NEGR1: variants seen among roughly 807,000 people sequenced by gnomAD.
NEGR1 encodes the protein IgLON family member 4.
NEGR1 carries 10 observed loss-of-function variants against 40.9 expected under a neutral mutation model. The ratio of observed to expected loss-of-function variants is 0.24; its 90% CI spans 0.15 to 0.42. NEGR1 has a LOEUF of 0.42. Ranked by LOEUF, NEGR1 falls within the 10% of genes least tolerant of loss-of-function variation. The pLI is 1.00. For missense variants in NEGR1, 352 were observed against 438.9 expected (o/e 0.80, Z 1.77); for synonymous variants, 185 against 166.8 (o/e 1.11, Z -0.84).
intron 1 of NEGR1, among the ~76,000 whole-genome samples, chr1:72,154,856 T>C (rs921708984): frequency 7.2e-5 from 11 of 151,962 alleles, no homozygotes; most frequent in African/African-American, 2.7e-4. Context: ...AGAAGTCACA[T>C]TTGAACAGGG....
chr1:71,691,067 A>C (rs2101621998), intron 4 of NEGR1, among the ~76,000 whole-genome samples: 1 of 152,078 alleles, frequency 6.6e-6, no homozygotes, highest in African/African-American at 2.4e-5. Flanking sequence ...CTCTTAACAA[A>C]GATAAGTGCA....
intron 4 of NEGR1, among the ~76,000 whole-genome samples, chr1:71,681,104 T>C (rs1652822860): frequency 6.6e-6 from 1 of 152,240 alleles, no homozygotes; most frequent in African/African-American, 2.4e-5. Context: ...TCTATGATTA[T>C]CAAGTCTGTG....
intron 6 of NEGR1, among the ~76,000 whole-genome samples, chr1:71,510,926 T>G (rs1358145736): frequency 6.6e-6 from 1 of 152,238 alleles, no homozygotes; most frequent in Admixed American, 6.5e-5. Context: ...GTTGGTACAT[T>G]GAGTGTACTC....
chr1:72,174,551 C>A (rs187874516), intron 1 of NEGR1, among the ~76,000 whole-genome samples: 121 of 152,234 alleles, frequency 7.9e-4, no homozygotes, highest in Admixed American at 4.2e-3. Flanking sequence ...CAGAGTTTTG[C>A]TACTTTAGGC....
chr1:71,658,747 A>G (rs1321179735), intron 4 of NEGR1, among the ~76,000 whole-genome samples: 1 of 152,194 alleles, frequency 6.6e-6, no homozygotes, highest in East Asian at 1.9e-4. Flanking sequence ...ATTTTAAAAT[A>G]ACTTTGGAGA....
intron 6 of NEGR1, among the ~76,000 whole-genome samples, chr1:71,531,941 A>C (rs1258900010): frequency 6.6e-6 from 1 of 151,286 alleles, no homozygotes; most frequent in Non-Finnish European, 1.5e-5. Flanking sequence ...TAAAACACTC[A>C]GTTTCTCAGA....
intron 6 of NEGR1, among the ~76,000 whole-genome samples, chr1:71,575,793 C>CAAAAA (rs1251875891): frequency 1.4e-5 from 1 of 73,450 alleles, no homozygotes; most frequent in African/African-American, 4.5e-5. Context: ...AAAACAAAAA[C>CAAAAA]AAAAACAAAA....
chr1:72,217,588 A>G (rs1653864902), intron 1 of NEGR1, among the ~76,000 whole-genome samples: 2 of 151,872 alleles, frequency 1.3e-5, no homozygotes, highest in Non-Finnish European at 2.9e-5. Flanking sequence ...GTTACCACAA[A>G]ATGTGAAATA....
intron 6 of NEGR1, among the ~76,000 whole-genome samples, chr1:71,531,675 A>G (rs1647359384): frequency 6.6e-6 from 1 of 151,530 alleles, no homozygotes; most frequent in Admixed American, 6.6e-5. Flanking sequence ...TATTAATCAC[A>G]AAACTTAAAC....
intron 1 of NEGR1, among the ~76,000 whole-genome samples, chr1:72,192,298 T>C (rs1652846729): frequency 6.6e-6 from 1 of 151,802 alleles, no homozygotes; most frequent in Middle Eastern, 3.2e-3. Context: ...TAAACCAAGA[T>C]TGTAAAAAGA....
At chr1:71,638,654 A>G (rs1651241696) in intron 4 of NEGR1, among the ~76,000 whole-genome samples, 1 of 152,070 alleles carries the variant, frequency 6.6e-6, no homozygotes, top group Admixed American at 6.6e-5. Context: ...TTTCCATTTT[A>G]CAACTAAGGC....
At chr1:71,940,245 T>C (rs919042436) in intron 1 of NEGR1, among the ~76,000 whole-genome samples, 32 of 152,166 alleles carry the variant, frequency 2.1e-4, no homozygotes, top group African/African-American at 7.2e-4. Flanking sequence ...AATAAAAATG[T>C]TCAATAATAA....
At chr1:71,885,898 C>A (rs1660709737) in intron 2 of NEGR1, among the ~76,000 whole-genome samples, 1 of 151,894 alleles carries the variant, frequency 6.6e-6, no homozygotes, top group South Asian at 2.1e-4. Context: ...ATGTGTTTTC[C>A]CAAAAATATC....
intron 3 of NEGR1, among the ~76,000 whole-genome samples, chr1:71,708,589 T>C (rs971740817): frequency 1.4e-5 from 2 of 143,522 alleles, no homozygotes; most frequent in African/African-American, 4.9e-5. Context: ...TCAAATTATA[T>C]TACAGAGTTT....
intron 1 of NEGR1, among the ~76,000 whole-genome samples, chr1:71,995,357 C>A (rs1318645855): frequency 6.6e-6 from 1 of 151,956 alleles, no homozygotes; most frequent in Non-Finnish European, 1.5e-5. Flanking sequence ...AAAAACGGTT[C>A]TATGTATTTT....
intron 1 of NEGR1, among the ~76,000 whole-genome samples, chr1:72,154,048 A>G (rs1424276656): frequency 6.6e-6 from 1 of 151,856 alleles, no homozygotes; most frequent in Non-Finnish European, 1.5e-5. Flanking sequence ...ATGAGTGGAG[A>G]CAGCAAATGT....
chr1:71,484,034 A>G (rs1646871539), intron 6 of NEGR1, among the ~76,000 whole-genome samples: 1 of 151,722 alleles, frequency 6.6e-6, no homozygotes, highest in Admixed American at 6.6e-5. Flanking sequence ...TGAAAACCAT[A>G]TGGGTTTTCT....
At chr1:71,790,826 C>G (rs976566293) in intron 2 of NEGR1, among the ~76,000 whole-genome samples, 1 of 151,944 alleles carries the variant, frequency 6.6e-6, no homozygotes, top group Non-Finnish European at 1.5e-5. Flanking sequence ...TGCTGCACTA[C>G]ATACCTTTGT....
chr1:71,428,654 ATTT>A (rs1487730116), intron 6 of NEGR1, among the ~76,000 whole-genome samples: 1 of 148,872 alleles, frequency 6.7e-6, no homozygotes, highest in Non-Finnish European at 1.5e-5. Flanking sequence ...ATATAAATTT[ATTT>A]TTTATTATAA....
Sources: allele counts gnomAD v4.1 joint callset (sites outside exome capture counted in the v4.1 genomes callset), GRCh38; gene constraint gnomAD v4.1.1; transcripts MANE v1.5; gene names NCBI Gene and HGNC (gene_info 2026-07-23, HGNC 2026-07-21).